NOL10: variants seen among roughly 807,000 people sequenced by gnomAD.
The protein encoded by NOL10 is nucleolar protein 10, also known as H_NH0074G24.1.
NOL10 carries 58 observed loss-of-function variants against 103.5 expected under a neutral mutation model. The observed-to-expected ratio is 0.56, with a 90% CI of 0.45 to 0.70. The LOEUF (loss-of-function observed/expected upper bound fraction) is 0.70. Among genes scored for constraint, NOL10 ranks in the 30% least tolerant of loss-of-function variants. The pLI, the probability that NOL10 is intolerant of heterozygous loss-of-function variation, is 0.00. For missense variants in NOL10, 763 were observed against 807.3 expected (o/e 0.95, Z 0.67); for synonymous variants, 287 against 282.5 (o/e 1.02, Z -0.16).
intron 13 of NOL10, among the ~76,000 whole-genome samples, chr2:10,613,515 G>A (rs1676677763): frequency 6.6e-6 from 1 of 152,164 alleles, no homozygotes; most frequent in South Asian, 2.1e-4. Flanking sequence ...CAACTGAGAG[G>A]CTATGGTTTC....
chr2:10,616,282 G>A (rs975973920), intron 13 of NOL10, among the ~76,000 whole-genome samples: 3 of 144,178 alleles, frequency 2.1e-5, no homozygotes, highest in African/African-American at 7.8e-5. Context: ...AGGTTGGAGT[G>A]CAGTGGTGCG....
intron 12 of NOL10, among the ~76,000 whole-genome samples, chr2:10,646,588 C>A (rs1483538819): frequency 6.6e-6 from 1 of 152,180 alleles, no homozygotes; most frequent in Non-Finnish European, 1.5e-5. Context: ...CAGCTTCTAA[C>A]AGGCAGAAAC....
intron 8 of NOL10, among the ~76,000 whole-genome samples, chr2:10,666,781 A>G (rs1047137964): frequency 1.3e-5 from 2 of 152,142 alleles, no homozygotes; most frequent in Non-Finnish European, 2.9e-5. Context: ...ATATGTATGT[A>G]CACATATGCA....
chr2:10,641,015 C>T (rs1447879725), intron 13 of NOL10, among the ~76,000 whole-genome samples: 4 of 151,014 alleles, frequency 2.6e-5, no homozygotes. Context: ...GAAACCCCAT[C>T]TCTACTAAAA....
intron 13 of NOL10, among the ~76,000 whole-genome samples, chr2:10,618,460 G>A (rs1676954316): frequency 6.6e-6 from 1 of 152,140 alleles, no homozygotes; most frequent in Admixed American, 6.6e-5. Flanking sequence ...AATCACACAG[G>A]CAATGCTGTG....
At chr2:10,684,459 C>T (rs1227101890) in intron 2 of NOL10, 108 bp downstream of exon 2, 2 of 857,028 alleles carry the variant, frequency 2.3e-6, no homozygotes, top group Non-Finnish European at 3.6e-6. Flanking sequence ...TTTTCCACTA[C>T]ATGTTACCGC....
chr2:10,679,081 C>T (rs528318852), intron 3 of NOL10, among the ~76,000 whole-genome samples: 11 of 151,730 alleles, frequency 7.2e-5, no homozygotes, highest in African/African-American at 9.7e-5. Flanking sequence ...TTTTTTTGGC[C>T]GGGTGCGGTG....
chr2:10,670,748 GAAAC>G (rs1318503584), intron 6 of NOL10, among the ~76,000 whole-genome samples: 3 of 151,734 alleles, frequency 2.0e-5, no homozygotes, highest in Non-Finnish European at 2.9e-5. Flanking sequence ...AAAAGAAAAT[GAAAC>G]AAACAAACAA....
At chr2:10,636,940 G>A (rs778059667) in intron 13 of NOL10, among the ~76,000 whole-genome samples, 16 of 152,000 alleles carry the variant, frequency 1.1e-4, no homozygotes, top group Non-Finnish European at 2.2e-4. Context: ...GGTAGCTCAC[G>A]CCTGTAATCC....
intron 10 of NOL10, among the ~76,000 whole-genome samples, 159 bp downstream of exon 10, chr2:10,659,013 T>C (rs1260899605): frequency 6.6e-6 from 1 of 152,176 alleles, no homozygotes; most frequent in Non-Finnish European, 1.5e-5. Flanking sequence ...AGAGTCAAGA[T>C]TTCTCAAGGT....
At chr2:10,648,889 A>T (rs1343378703) in intron 12 of NOL10, among the ~76,000 whole-genome samples, 1 of 152,326 alleles carries the variant, frequency 6.6e-6, no homozygotes, top group East Asian at 1.9e-4. Context: ...GGATTGAAAG[A>T]AACTAAAGAT....
intron 13 of NOL10, among the ~76,000 whole-genome samples, chr2:10,625,738 T>TG (rs889114647): frequency 1.3e-5 from 2 of 151,978 alleles, no homozygotes; most frequent in African/African-American, 4.8e-5. Flanking sequence ...AAAAAAAGCC[T>TG]GGGGGAAAAG....
At chr2:10,662,600 T>TA (rs35335798) in intron 9 of NOL10, among the ~76,000 whole-genome samples, 10,309 of 152,132 alleles carry the variant, frequency 0.068, 539 homozygotes, top group Admixed American at 0.15. Flanking sequence ...AAGAAAATAT[T>TA]AAAAAAACAC....
At chr2:10,587,065 A>T (rs1330844917) in intron 19 of NOL10, among the ~76,000 whole-genome samples, 2 of 40,882 alleles carry the variant, frequency 4.9e-5, no homozygotes, top group African/African-American at 1.0e-4. Flanking sequence ...ACATATATAT[A>T]TACATATATA....
At chr2:10,669,515 C>CAT (rs1319411656) in intron 6 of NOL10, among the ~76,000 whole-genome samples, 1 of 8,904 alleles carries the variant, frequency 1.1e-4, no homozygotes, top group African/African-American at 5.6e-4. Context: ...CACATATATA[C>CAT]ACACACACAC....
At chr2:10,572,982 T>C (rs1422809833) in intron 20 of NOL10, among the ~76,000 whole-genome samples, 1 of 151,858 alleles carries the variant, frequency 6.6e-6, no homozygotes, top group Non-Finnish European at 1.5e-5. Flanking sequence ...CAGTGCAGAA[T>C]CCACAACAAA....
chr2:10,689,642 C>T (rs1466690862), intron 1 of NOL10, among the ~76,000 whole-genome samples, 154 bp downstream of exon 1: 1 of 152,234 alleles, frequency 6.6e-6, no homozygotes, highest in East Asian at 1.9e-4. Flanking sequence ...CGACACCTCC[C>T]CCGGAAATTG....
At chr2:10,687,797 T>C (rs927535694) in intron 1 of NOL10, among the ~76,000 whole-genome samples, 2 of 152,066 alleles carry the variant, frequency 1.3e-5, no homozygotes, top group African/African-American at 4.8e-5. Context: ...CTACTAAAAA[T>C]ACAAAAATTA....
intron 17 of NOL10, among the ~76,000 whole-genome samples, chr2:10,599,588 C>A (rs997307914): frequency 6.6e-6 from 1 of 152,166 alleles, no homozygotes; most frequent in South Asian, 2.1e-4. Flanking sequence ...CATTGGCATA[C>A]TATTCATGTC....
Sources: allele counts gnomAD v4.1 joint callset (sites outside exome capture counted in the v4.1 genomes callset), GRCh38; gene constraint gnomAD v4.1.1; transcripts MANE v1.5; gene names NCBI Gene and HGNC (gene_info 2026-07-23, HGNC 2026-07-21).